NDST4: variants seen among roughly 807,000 people sequenced by gnomAD.
NDST4 encodes the protein N-deacetylase and N-sulfotransferase 4.
NDST4 carries 63 observed loss-of-function variants against 100.8 expected under a neutral mutation model. The observed-to-expected ratio is 0.62, with a 90% confidence interval of 0.51 to 0.77. NDST4 has a LOEUF of 0.77. Ranked by LOEUF, NDST4 falls within the 30% of genes least tolerant of loss-of-function variation. The probability of loss-of-function intolerance (pLI) is 0.00; values close to 1 mark genes in which losing one functional copy is unlikely to be tolerated. For missense variants in NDST4, 943 were observed against 1,018.4 expected (o/e 0.93, Z 1.01); for synonymous variants, 377 against 361.8 (o/e 1.04, Z -0.48).
rs530573205 is a variant in NDST4 at position 115,010,514 on chromosome 4, C to T, written c.979-33240G>A. Reference sequence around the variant, plus strand: ...GTACACATGGACACAGGAAGGGGAACATCACACTCTGGGGACTGTTGTGGG... The same window carrying T: ...GTACACATGGACACAGGAAGGGGAATATCACACTCTGGGGACTGTTGTGGG... On this transcript the variant is annotated intron_variant, in intron 2 of 13. Coordinates refer to ENST00000264363, the MANE Select transcript of NDST4 (RefSeq NM_022569.3). 3.2e-5 allele frequency among the ~76,000 whole-genome samples: 4 copies of T among 126,728 alleles called. 2 individuals carry two copies. The highest frequency in any genetic ancestry group is 1.2e-4 in the African/African-American group (4 of 33,362). The allele number at this position is 126,728 out of a possible 152,430, so 83.1% of individuals were successfully genotyped here.
At chr4:115,026,196 C>T (rs1480465689) in intron 2 of NDST4, among the ~76,000 whole-genome samples, 1 of 151,812 alleles carries the variant, frequency 6.6e-6, no homozygotes, top group Admixed American at 6.6e-5. Flanking sequence ...GTATAATTGG[C>T]TTTATTGAAG....
At chr4:114,882,485 C>G (rs1055889073) in intron 6 of NDST4, among the ~76,000 whole-genome samples, 2 of 152,118 alleles carry the variant, frequency 1.3e-5, no homozygotes, top group Non-Finnish European at 2.9e-5. Context: ...GTGTTAACTA[C>G]TCAGTCAGTT....
At chr4:115,074,691 A>G (rs746995044) in intron 2 of NDST4, among the ~76,000 whole-genome samples, 11 of 152,128 alleles carry the variant, frequency 7.2e-5, no homozygotes, top group Non-Finnish European at 1.5e-4. Flanking sequence ...AAGTGAACTT[A>G]TTCTACTGCT....
At chr4:114,975,946 C>T (rs1401962091) in intron 3 of NDST4, among the ~76,000 whole-genome samples, 1 of 152,040 alleles carries the variant, frequency 6.6e-6, no homozygotes, top group Non-Finnish European at 1.5e-5. Flanking sequence ...GATATGCTGA[C>T]CCAAATCTCT....
intron 9 of NDST4, among the ~76,000 whole-genome samples, chr4:114,846,451 A>G (rs1299904793): frequency 6.6e-6 from 1 of 152,266 alleles, no homozygotes; most frequent in Non-Finnish European, 1.5e-5. Flanking sequence ...CTGAATAGCT[A>G]TAAAACACCA....
At chr4:114,893,060 C>A (rs1010827543) in intron 6 of NDST4, among the ~76,000 whole-genome samples, 8 of 152,168 alleles carry the variant, frequency 5.3e-5, no homozygotes, top group African/African-American at 1.9e-4. Flanking sequence ...CATGTCCCTG[C>A]AGAGGACATG....
intron 2 of NDST4, among the ~76,000 whole-genome samples, chr4:115,040,775 A>G (rs1239990500): frequency 6.6e-6 from 1 of 152,042 alleles, no homozygotes; most frequent in African/African-American, 2.4e-5. Context: ...TAAGATGAAC[A>G]GCTTCCCACC....
intron 12 of NDST4, among the ~76,000 whole-genome samples, chr4:114,831,519 T>C (rs965682239): frequency 3.3e-5 from 5 of 152,200 alleles, no homozygotes; most frequent in Non-Finnish European, 5.9e-5. Context: ...AATATTTAAC[T>C]GCATTAAGGT....
intron 2 of NDST4, among the ~76,000 whole-genome samples, chr4:115,009,023 T>G (rs11724358): frequency 3.3e-5 from 4 of 120,614 alleles, no homozygotes; most frequent in South Asian, 3.3e-4. Flanking sequence ...CACTGCTCAA[T>G]GAAATAAAAG....
chr4:114,996,125 G>T, intron 2 of NDST4, among the ~76,000 whole-genome samples: 1 of 152,042 alleles, frequency 6.6e-6, no homozygotes, highest in East Asian at 1.9e-4. Context: ...ACCTTGAATT[G>T]TAATCCCCAT....
Position 115,076,620 on chromosome 4 carries a change from A to T in NDST4, c.417T>A (p.Tyr139Ter), listed in dbSNP as rs1409714096. ...TLVIYENILK[Y>*]VSMDSWNREL... Reference sequence around the variant, plus strand: ...CTCGATTCCATGAGTCCATGCTGACATACTTCAGAATATTTTCATAAATAA... The same window carrying T: ...CTCGATTCCATGAGTCCATGCTGACTTACTTCAGAATATTTTCATAAATAA... The change falls in exon 2 of 14, where the codon TAT (tyrosine) becomes TAA (stop). Residue 139 changes from tyrosine to a stop codon, truncating the protein, a stop_gained. Transcript: ENST00000264363. LOFTEE classifies it high-confidence loss of function. The T allele has an allele frequency of 6.2e-7, 1 of 1,613,862 alleles. No individual in the cohort carries two copies. Among genetic ancestry groups the T allele is most frequent in the Admixed American group, 1.7e-5 (1 of 59,994 alleles).
chr4:115,068,188 T>A (rs925280105), intron 2 of NDST4, among the ~76,000 whole-genome samples: 16 of 152,062 alleles, frequency 1.1e-4, no homozygotes, highest in African/African-American at 3.6e-4. Context: ...ATCAAATTTG[T>A]ACAATATATT....
At chr4:114,968,949 G>T (rs894275348) in intron 4 of NDST4, among the ~76,000 whole-genome samples, 1 of 152,074 alleles carries the variant, frequency 6.6e-6, no homozygotes, top group African/African-American at 2.4e-5. Flanking sequence ...TGTGCTAATG[G>T]ACCAAGCAGT....
intron 2 of NDST4, among the ~76,000 whole-genome samples, chr4:115,072,839 C>T (rs1729104871): frequency 6.6e-6 from 1 of 151,866 alleles, no homozygotes; most frequent in South Asian, 2.1e-4. Context: ...AATGGAATTA[C>T]ATCAAGCAAA....
At chr4:114,860,130 T>A (rs1723888278) in intron 7 of NDST4, among the ~76,000 whole-genome samples, 1 of 152,196 alleles carries the variant, frequency 6.6e-6, no homozygotes, top group African/African-American at 2.4e-5. Flanking sequence ...TTTCTACAAA[T>A]TCATCTATGG....
chr4:114,903,482 A>G (rs182340217), intron 6 of NDST4, among the ~76,000 whole-genome samples: 5 of 152,110 alleles, frequency 3.3e-5, no homozygotes, highest in Non-Finnish European at 7.4e-5. Flanking sequence ...TGTCAAGTAC[A>G]GTTCAGTTTT....
At chr4:115,068,113 T>G (rs1349528030) in intron 2 of NDST4, among the ~76,000 whole-genome samples, 2 of 152,112 alleles carry the variant, frequency 1.3e-5, no homozygotes, top group African/African-American at 4.8e-5. Flanking sequence ...TTTCCCTGTG[T>G]TTTCAAGACC....
chr4:115,079,752 G>A (rs911283784), intron 1 of NDST4, among the ~76,000 whole-genome samples: 1 of 152,098 alleles, frequency 6.6e-6, no homozygotes, highest in African/African-American at 2.4e-5. Context: ...AGTGATGAAT[G>A]CTTATTAATG....
chr4:114,958,057 C>T (rs561128601), intron 4 of NDST4, among the ~76,000 whole-genome samples: 2 of 152,272 alleles, frequency 1.3e-5, no homozygotes, highest in East Asian at 3.9e-4. Flanking sequence ...GGATGGTGAC[C>T]CTCTTCTCAC....
Sources: gnomAD v4.1 joint callset for allele counts (sites outside exome capture counted in the v4.1 genomes callset) on GRCh38, gnomAD v4.1.1 for gene constraint, MANE v1.5 for transcripts, NCBI Gene and HGNC (gene_info 2026-07-23, HGNC 2026-07-21) for gene names.